Variants in PRDM16 observed in about 807,000 individuals in gnomAD.
The protein encoded by PRDM16 is histone-lysine N-methyltransferase PRDM16.
A neutral mutation model predicts 110.6 loss-of-function variants in PRDM16; 23 were observed. The observed-to-expected ratio is 0.21, with a 90% confidence interval of 0.15 to 0.29. The LOEUF (loss-of-function observed/expected upper bound fraction) is 0.29. Among genes scored for constraint, PRDM16 ranks in the 10% least tolerant of loss-of-function variants. PRDM16 has a pLI of 1.00. For missense variants in PRDM16, 1,615 were observed against 1,794.3 expected, an observed-to-expected ratio of 0.90 and a Z score of 1.81; for synonymous variants, 799 against 781.8, an observed-to-expected ratio of 1.02 and a Z score of -0.37.
At position 3,181,900 on chromosome 1, in the gene PRDM16, G is replaced by GGTCTTACACACGCA. The variant is rs1354928308; in HGVS notation, c.38-4214_38-4201dup. ...GTCTTGCACACGCAGTCTTACACACGGTCTTACACACGCAGTCTTACACAT... is the reference window on the plus strand; with the variant it reads ...GTCTTGCACACGCAGTCTTACACACGGTCTTACACACGCAGTCTTACACACGCAGTCTTACACAT... On this transcript the variant is annotated intron_variant, in intron 1 of 16. Transcript: ENST00000270722. Among the ~76,000 whole-genome samples the GGTCTTACACACGCA allele has an allele frequency of 2.1e-3, 187 of 89,532 alleles. 1 individual carries two copies. The highest frequency in any genetic ancestry group is 3.8e-3 in the South Asian group (10 of 2,610). The allele number at this position is 89,532 out of a possible 152,430, so 58.7% of individuals were successfully genotyped here.
chr1:3,198,069 C>T (rs372052328), intron 2 of PRDM16, among the ~76,000 whole-genome samples: 56 of 152,310 alleles, frequency 3.7e-4, no homozygotes, highest in African/African-American at 1.3e-3. Context: ...CACAGGCCCG[C>T]TGAGGGGCAG....
intron 1 of PRDM16, among the ~76,000 whole-genome samples, chr1:3,181,717 CAGTCTTACACACGGTCTTACACACGG>C (rs1557510208): frequency 1.8e-4 from 23 of 124,444 alleles, no homozygotes; most frequent in African/African-American, 5.2e-4. Context: ...CTTACACACG[CAGTCTTACACACGGTCTTACACACGG>C]AGTCTTACAC....
At chr1:3,413,110 C>A (rs561491404) in intron 9 of PRDM16, among the ~76,000 whole-genome samples, 121 of 152,118 alleles carry the variant, frequency 8.0e-4, no homozygotes, top group African/African-American at 2.8e-3. Context: ...TCGAGCGCCT[C>A]CTATCCCCAG....
rs190359999 is a variant in PRDM16 at position 3,103,723 on chromosome 1, A to G, written c.37+34427A>G. ...TGAGAAGCCGCATGAGCTTAAAGAG[A>G]GGCCTCAAACCTGAGAGGCGTCCCT... On this transcript the variant is annotated intron_variant, in intron 1 of 16. Transcript: ENST00000270722. 3.7e-3 allele frequency among the ~76,000 whole-genome samples: 561 copies of G among 152,262 alleles called. 1 individual carries two copies. The highest frequency in any genetic ancestry group is 6.4e-3 in the Non-Finnish European group (434 of 68,018).
chr1:3,215,876 T>C (rs1379772540), intron 2 of PRDM16, among the ~76,000 whole-genome samples: 1 of 151,886 alleles, frequency 6.6e-6, no homozygotes, highest in Non-Finnish European at 1.5e-5. Context: ...GCCTCATACA[T>C]CCCATTGTTC....
At chr1:3,285,856 T>G (rs1640832991) in intron 3 of PRDM16, among the ~76,000 whole-genome samples, 1 of 152,174 alleles carries the variant, frequency 6.6e-6, no homozygotes, top group African/African-American at 2.4e-5. Flanking sequence ...CCAGGGTAGG[T>G]GGACTTTGTG....
chr1:3,189,832 G>A (rs970682701), intron 2 of PRDM16, among the ~76,000 whole-genome samples: 23 of 152,282 alleles, frequency 1.5e-4, no homozygotes, highest in Admixed American at 3.9e-4. Flanking sequence ...AACAGGGTGC[G>A]CGTCTCTTGA....
In PRDM16 at chr1:3,121,713, C is replaced by T. The variant is rs767585903; in HGVS notation, c.37+52417C>T. On this transcript the variant is annotated intron_variant, in intron 1 of 16. Transcript: ENST00000270722. ...GATCCGGGGCAGGGCCAAGTGCCGC[C>T]GACAGCCTTGGGGGACAGCGGCCCT... Among the ~76,000 whole-genome samples, 5 of 152,204 alleles carry T rather than the reference C, an allele frequency of 3.3e-5. No individual in the cohort carries two copies. In the South Asian group the frequency reaches 8.3e-4, roughly 25 times the overall value.
intron 4 of PRDM16, among the ~76,000 whole-genome samples, chr1:3,396,089 T>C (rs892387211): frequency 1.3e-5 from 2 of 151,642 alleles, no homozygotes; most frequent in Non-Finnish European, 2.9e-5. Flanking sequence ...CACCCTGAGC[T>C]CCCCCTCCCC....
chr1:3,256,393 G>T (rs1432328061), intron 3 of PRDM16, among the ~76,000 whole-genome samples: 1 of 152,166 alleles, frequency 6.6e-6, no homozygotes, highest in Non-Finnish European at 1.5e-5. Flanking sequence ...CAGGTCAGCT[G>T]TGGACTTCGT....
At chr1:3,363,277 A>G (rs1642749506) in intron 3 of PRDM16, among the ~76,000 whole-genome samples, 1 of 152,194 alleles carries the variant, frequency 6.6e-6, no homozygotes, top group African/African-American at 2.4e-5. Context: ...CTGTCTGTCC[A>G]CTGTCATTTT....
intron 4 of PRDM16, among the ~76,000 whole-genome samples, chr1:3,395,480 G>A (rs577142585): frequency 1.2e-4 from 19 of 152,250 alleles, no homozygotes; most frequent in African/African-American, 3.4e-4. Flanking sequence ...CCAGTCCTCC[G>A]GCCAGGCCTG....
chr1:3,186,054 G>T (rs538712462), intron 1 of PRDM16, 71 bp from the exon 2 acceptor site: 10 of 1,337,552 alleles, frequency 7.5e-6, no homozygotes, highest in Non-Finnish European at 9.6e-6. Flanking sequence ...CCGAGTCCCC[G>T]GCGCTCCCTG....
chr1:3,081,604 T>A lies in PRDM16; in HGVS notation c.37+12308T>A, dbSNP rs955644269. Among the ~76,000 whole-genome samples, 1 of 152,188 alleles carries A rather than the reference T, an allele frequency of 6.6e-6. No individual in the cohort carries two copies. Among genetic ancestry groups the A allele is most frequent in the African/African-American group, 2.4e-5 (1 of 41,456 alleles). ...CGGCGGCCAGGGTTGGTCTTCCTTC[T>A]GTGAGCACGGGGGGTGAGCAGTGGG... On this transcript the variant is annotated intron_variant, in intron 1 of 16. Coordinates refer to ENST00000270722, the MANE Select transcript of PRDM16 (RefSeq NM_022114.4). This position sits in a 1 kb window ranked among gnomAD's most constrained non-coding sequence, Gnocchi z 4.6.
At position 3,069,353 on chromosome 1, in the gene PRDM16, G is replaced by A; in HGVS notation, c.37+57G>A. ...GCCGGGGCCCGGGCCGCCGGGCCGG[G>A]GCGCCCGGGCCAGGGGTGCGCGTCG... On this transcript the variant is annotated intron_variant, in intron 1 of 16. Coordinates refer to ENST00000270722, the MANE Select transcript of PRDM16 (RefSeq NM_022114.4). The surrounding 1 kb of genome is among the most constrained non-coding windows in gnomAD (Gnocchi z 6.1). 2.2e-6 allele frequency: 2 copies of A among 918,732 alleles called. No individual in the cohort carries two copies. Among genetic ancestry groups the A allele is most frequent in the Non-Finnish European group, 2.6e-6 (2 of 762,518 alleles). 56.9% of individuals were successfully genotyped at this position (918,732 alleles called of 1,614,324 possible). A position where few individuals can be genotyped will look rare whatever the true frequency, so the allele number is the denominator to read the frequency against.
chr1:3,282,945 C>T (rs550705075), intron 3 of PRDM16, among the ~76,000 whole-genome samples: 164 of 152,320 alleles, frequency 1.1e-3, no homozygotes, highest in Non-Finnish European at 2.0e-3. Context: ...AGAGGAGGGG[C>T]GTCTCCCTTC....
chr1:3,387,690 C>T (rs1643223698), intron 4 of PRDM16, among the ~76,000 whole-genome samples: 1 of 152,234 alleles, frequency 6.6e-6, no homozygotes, highest in Admixed American at 6.5e-5. Flanking sequence ...GGAGGAGACT[C>T]GCCGCCCAGG....
At chr1:3,321,204 G>A (rs556987659) in intron 3 of PRDM16, among the ~76,000 whole-genome samples, 19 of 152,126 alleles carry the variant, frequency 1.2e-4, no homozygotes, top group Non-Finnish European at 1.5e-4. Flanking sequence ...ACTTAACCCC[G>A]GGTGGGCTGA....
chr1:3,414,841 G>A (rs1486099603), intron 10 of PRDM16, among the ~76,000 whole-genome samples, 194 bp downstream of exon 10: 1 of 152,092 alleles, frequency 6.6e-6, no homozygotes, highest in Non-Finnish European at 1.5e-5. Context: ...AGAGGTTGAG[G>A]ACTGAGAGTG....
Sources: gnomAD v4.1 joint callset for allele counts (sites outside exome capture counted in the v4.1 genomes callset) on GRCh38, gnomAD v4.1.1 for gene constraint, Gnocchi (gnomAD v3.1) non-coding constraint, MANE v1.5 for transcripts, NCBI Gene and HGNC (gene_info 2026-07-23, HGNC 2026-07-21) for gene names.